Variants in COTL1 observed in about 807,000 individuals in gnomAD.
COTL1 encodes coactosin like F-actin binding protein 1, also known as coactosin-like protein.
Under a neutral mutation model 16.5 loss-of-function variants are expected in COTL1, and 15 were observed. The ratio of observed to expected loss-of-function variants is 0.91; its 90% CI spans 0.61 to 1.40. The LOEUF is 1.40. Among genes scored for constraint, COTL1 ranks in the 40% most tolerant of loss-of-function variants. The pLI, the probability that COTL1 is intolerant of heterozygous loss-of-function variation, is 0.00. For synonymous variants in COTL1, 112 were observed against 85.3 expected, an observed-to-expected ratio of 1.31 and a Z score of -1.73; for missense variants, 220 against 201.5, an observed-to-expected ratio of 1.09 and a Z score of -0.56.
chr16:84,605,197 G>A (rs1458263736), intron 2 of COTL1, among the ~76,000 whole-genome samples: 1 of 152,236 alleles, frequency 6.6e-6, no homozygotes, highest in Non-Finnish European at 1.5e-5. Flanking sequence ...GCCTCCCGTG[G>A]TCTTCCCTTC....
intron 2 of COTL1, among the ~76,000 whole-genome samples, chr16:84,612,364 C>T (rs547360345): frequency 6.6e-6 from 1 of 152,342 alleles, no homozygotes; most frequent in African/African-American, 2.4e-5. Flanking sequence ...TGCGTGTCCA[C>T]ATGGGGCCAA....
At chr16:84,610,320 G>A (rs1905294308) in intron 2 of COTL1, among the ~76,000 whole-genome samples, 1 of 152,150 alleles carries the variant, frequency 6.6e-6, no homozygotes, top group South Asian at 2.1e-4. Context: ...TCATGAAAGT[G>A]AACCGTCTAA....
At chr16:84,603,650 T>C (rs1320614475) in intron 2 of COTL1, among the ~76,000 whole-genome samples, 1 of 151,976 alleles carries the variant, frequency 6.6e-6, no homozygotes, top group Non-Finnish European at 1.5e-5. Flanking sequence ...CAACAGACTA[T>C]GAAGCGAATG....
Position 84,567,225 on chromosome 16 carries a change from G to A in COTL1, c.319-270C>T, listed in dbSNP as rs886183148. The A allele has an allele frequency of 7.8e-5, 28 of 359,256 alleles. 1 individual carries two copies. The highest frequency in any genetic ancestry group is 1.3e-4 in the South Asian group (4 of 30,186). 22.3% of individuals were successfully genotyped at this position (359,256 alleles called of 1,614,324 possible). On this transcript the variant is annotated intron_variant, in intron 3 of 3. Transcript: ENST00000262428. Reference sequence around the variant, plus strand: ...CTTCCCATGTCCGTGGGGATGGCCCGAGGAAGCTGGGGCTTGAATTTGGGC... The same window carrying A: ...CTTCCCATGTCCGTGGGGATGGCCCAAGGAAGCTGGGGCTTGAATTTGGGC...
chr16:84,612,674 T>G (rs13337995), intron 2 of COTL1, among the ~76,000 whole-genome samples: 7,428 of 152,034 alleles, frequency 0.049, 663 homozygotes, highest in African/African-American at 0.17. Flanking sequence ...TCCCAGCTAC[T>G]TGGGAGGCTG....
intron 3 of COTL1, among the ~76,000 whole-genome samples, chr16:84,569,440 A>C (rs1904313212): frequency 6.6e-6 from 1 of 152,204 alleles, no homozygotes; most frequent in African/African-American, 2.4e-5. Flanking sequence ...GAGCATCCCG[A>C]AGTCAAGCTT....
rs146966856 is a variant in COTL1 at position 84,589,118 on chromosome 16, G to A, written c.318+987C>T. ...CCCAAGTAGCTGGGACTACAGCCATGTGCCACCATGCCTGGCTCATTTTAT... is the reference window on the plus strand; with the variant it reads ...CCCAAGTAGCTGGGACTACAGCCATATGCCACCATGCCTGGCTCATTTTAT... On this transcript the variant is annotated intron_variant, in intron 3 of 3. Transcript: ENST00000262428. Among the ~76,000 whole-genome samples, 4 of 152,060 alleles carry A rather than the reference G, an allele frequency of 2.6e-5. No individual in the cohort carries two copies. The East Asian group carries it at 7.8e-4, about 29-fold the overall frequency.
At chr16:84,600,312 CTT>C (rs11305996) in intron 2 of COTL1, among the ~76,000 whole-genome samples, 81 of 125,830 alleles carry the variant, frequency 6.4e-4, no homozygotes, top group East Asian at 2.9e-3. Flanking sequence ...AATAAAGGCT[CTT>C]TTTTTTTTTT....
chr16:84,617,798 C>G (rs1298921779), intron 1 of COTL1, 40 bp downstream of exon 1: 2 of 1,540,432 alleles, frequency 1.3e-6, no homozygotes, highest in Non-Finnish European at 8.8e-7. Flanking sequence ...CCCGCGCGAG[C>G]CCGGGGAGCG....
At chr16:84,572,141 A>T (rs185934225) in intron 3 of COTL1, among the ~76,000 whole-genome samples, 1 of 152,378 alleles carries the variant, frequency 6.6e-6, no homozygotes, top group East Asian at 1.9e-4. Context: ...GCTTCATTGC[A>T]TGTTTTCAAA....
chr16:84,584,829 G>A (rs1454218692), intron 3 of COTL1, among the ~76,000 whole-genome samples: 4 of 152,084 alleles, frequency 2.6e-5, no homozygotes, highest in Admixed American at 1.3e-4. Context: ...TACAAGGCAG[G>A]CACTATATTG....
intron 2 of COTL1, among the ~76,000 whole-genome samples, chr16:84,609,392 G>C (rs1367060241): frequency 1.3e-5 from 2 of 150,752 alleles, no homozygotes; most frequent in Non-Finnish European, 2.9e-5. Context: ...ACTAAGGCCA[G>C]TCAGTCTTCC....
At chr16:84,593,613 A>G (rs1035123605) in intron 2 of COTL1, among the ~76,000 whole-genome samples, 7 of 150,868 alleles carry the variant, frequency 4.6e-5, no homozygotes, top group East Asian at 2.0e-4. Context: ...CCGGGTTCAC[A>G]CCATTCTCCT....
intron 3 of COTL1, among the ~76,000 whole-genome samples, chr16:84,588,568 T>G (rs2914834): frequency 0.14 from 21,673 of 152,150 alleles, 2,012 homozygotes; most frequent in African/African-American, 0.26. Flanking sequence ...CTGAGTGCAG[T>G]GGCGAGATCT....
At chr16:84,589,237 A>C (rs895167988) in intron 3 of COTL1, among the ~76,000 whole-genome samples, 4 of 152,192 alleles carry the variant, frequency 2.6e-5, no homozygotes, top group African/African-American at 9.7e-5. Context: ...AGCCTTCCAA[A>C]GTGCTGTGAT....
chr16:84,591,603 C>T (rs542626875), intron 2 of COTL1, among the ~76,000 whole-genome samples: 14 of 133,992 alleles, frequency 1.0e-4, no homozygotes, highest in African/African-American at 4.0e-4. Flanking sequence ...AGCTTGAGAC[C>T]AACCTGGGCA....
intron 1 of COTL1, 121 bp downstream of exon 1, chr16:84,617,717 G>A: frequency 1.5e-6 from 2 of 1,376,564 alleles, no homozygotes; most frequent in South Asian, 2.5e-5. Context: ...CGCCGTCCCG[G>A]AATAAGGCGA....
chr16:84,599,678 C>A (rs1390429992), intron 2 of COTL1, among the ~76,000 whole-genome samples: 1 of 152,100 alleles, frequency 6.6e-6, no homozygotes, highest in Non-Finnish European at 1.5e-5. Flanking sequence ...GGAAGTTGCC[C>A]CAGAGAGCGG....
At position 84,590,054 on chromosome 16, in the gene COTL1, A is replaced by AT. The variant is rs1567535002; in HGVS notation, c.318+50dup. The AT allele has an allele frequency of 1.9e-6, 3 of 1,567,498 alleles. No homozygotes were observed. The Admixed American group carries it at 5.2e-5, about 27-fold the overall frequency. The stretch of plus-strand genomic sequence containing the variant: ...ACCCAGCCCTCTCCCTCCTTGCAGG[A>AT]TGGTGACCCTTGGCGAGCTTTGACC... On this transcript the variant is annotated intron_variant, in intron 3 of 3. Coordinates refer to ENST00000262428, the MANE Select transcript of COTL1 (RefSeq NM_021149.5). This position sits in a 1 kb window ranked among gnomAD's most constrained non-coding sequence, Gnocchi z 5.5.
Sources: allele counts gnomAD v4.1 joint callset (sites outside exome capture counted in the v4.1 genomes callset), GRCh38; gene constraint gnomAD v4.1.1; non-coding constraint Gnocchi (gnomAD v3.1); transcripts MANE v1.5; gene names NCBI Gene and HGNC (gene_info 2026-07-23, HGNC 2026-07-21).